The following DPP10 variants were observed in gnomAD, a reference collection of about 807,000 sequenced individuals.
DPP10 encodes inactive dipeptidyl peptidase 10.
Under a neutral mutation model 120.9 loss-of-function variants are expected in DPP10, and 33 were observed. The observed-to-expected ratio is 0.27, with a 90% CI of 0.21 to 0.37. The LOEUF (loss-of-function observed/expected upper bound fraction) is 0.37, where lower values mean the gene tolerates loss of function less well. DPP10 is among the 10% of genes least tolerant of loss of function. The pLI, the probability that DPP10 is intolerant of heterozygous loss-of-function variation, is 1.00. For missense variants in DPP10, 816 were observed against 942.8 expected, an observed-to-expected ratio of 0.87 and a Z score of 1.76; for synonymous variants, 337 against 326.1, an observed-to-expected ratio of 1.03 and a Z score of -0.36.
intron 21 of DPP10, among the ~76,000 whole-genome samples, chr2:115,832,200 T>C (rs1345220420): frequency 6.6e-6 from 1 of 152,212 alleles, no homozygotes; most frequent in Non-Finnish European, 1.5e-5. Flanking sequence ...AAATTTAACT[T>C]ATTTTCATCT....
intron 21 of DPP10, among the ~76,000 whole-genome samples, chr2:115,825,044 T>C (rs890581359): frequency 6.6e-6 from 1 of 152,232 alleles, no homozygotes; most frequent in African/African-American, 2.4e-5. Context: ...TATTTCAATA[T>C]TTCACAAGTA....
intron 8 of DPP10, 59 bp from the exon 9 acceptor site, chr2:115,739,680 T>C: frequency 6.5e-7 from 1 of 1,549,282 alleles, no homozygotes; most frequent in Non-Finnish European, 8.9e-7. Context: ...GACAGATGTT[T>C]GTGGGTCACT....
chr2:114,760,126 A>G (rs572312722), intron 1 of DPP10, among the ~76,000 whole-genome samples: 2 of 152,132 alleles, frequency 1.3e-5, no homozygotes, highest in East Asian at 1.9e-4. Flanking sequence ...AGGCGATGCC[A>G]TTGCTGGCCC....
At chr2:114,921,909 G>A (rs1695223500) in intron 1 of DPP10, among the ~76,000 whole-genome samples, 1 of 152,134 alleles carries the variant, frequency 6.6e-6, no homozygotes, top group Non-Finnish European at 1.5e-5. Context: ...CTTTTCCCTT[G>A]TTTAAACTTT....
chr2:115,563,433 C>G (rs573343773), intron 5 of DPP10, among the ~76,000 whole-genome samples: 9 of 151,982 alleles, frequency 5.9e-5, no homozygotes, highest in South Asian at 4.2e-4. Context: ...CCCCTGCACT[C>G]GAGAGAGCTG....
chr2:114,468,856 C>T (rs1679655610), intron 1 of DPP10, among the ~76,000 whole-genome samples: 1 of 152,052 alleles, frequency 6.6e-6, no homozygotes, highest in South Asian at 2.1e-4. Context: ...TGAAATATCG[C>T]ATTTCATTTC....
At chr2:115,337,881 A>G (rs1189350134) in intron 2 of DPP10, among the ~76,000 whole-genome samples, 1 of 152,010 alleles carries the variant, frequency 6.6e-6, no homozygotes, top group Non-Finnish European at 1.5e-5. Flanking sequence ...TGAATGAAGT[A>G]TATAGTTTTC....
chr2:114,825,663 C>A (rs192169050), intron 1 of DPP10, among the ~76,000 whole-genome samples: 1 of 152,170 alleles, frequency 6.6e-6, no homozygotes, highest in South Asian at 2.1e-4. Context: ...TGTTCCCCCC[C>A]AACTCCAAAC....
At chr2:114,568,207 G>A (rs1182502362) in intron 1 of DPP10, among the ~76,000 whole-genome samples, 2 of 151,916 alleles carry the variant, frequency 1.3e-5, no homozygotes, top group Non-Finnish European at 2.9e-5. Flanking sequence ...ATTTATGGGG[G>A]CACATGTGAG....
chr2:115,724,804 TG>T (rs1393466127), intron 7 of DPP10, among the ~76,000 whole-genome samples: 1 of 152,200 alleles, frequency 6.6e-6, no homozygotes, highest in Non-Finnish European at 1.5e-5. Context: ...GCTCGGCTTC[TG>T]GGAAGGCCTC....
chr2:114,843,860 C>G (rs1232515037), intron 1 of DPP10, among the ~76,000 whole-genome samples: 1 of 152,096 alleles, frequency 6.6e-6, no homozygotes, highest in African/African-American at 2.4e-5. Context: ...TCTGGCTTCC[C>G]AAGACATGTT....
chr2:115,751,803 G>GTTTTT (rs5833628), intron 10 of DPP10, among the ~76,000 whole-genome samples: 1 of 103,414 alleles, frequency 9.7e-6, no homozygotes. Context: ...TTTTTTTGTT[G>GTTTTT]TTTTTTTTTT....
chr2:114,821,752 A>C (rs1302331890), intron 1 of DPP10, among the ~76,000 whole-genome samples: 1 of 152,196 alleles, frequency 6.6e-6, no homozygotes, highest in Non-Finnish European at 1.5e-5. Flanking sequence ...GCTCCATGCA[A>C]GTCCAAAATC....
At chr2:114,920,631 A>T (rs184959574) in intron 1 of DPP10, among the ~76,000 whole-genome samples, 27 of 151,930 alleles carry the variant, frequency 1.8e-4, no homozygotes, top group African/African-American at 5.8e-4. Context: ...ACACATTGTA[A>T]TTTTTTTTTC....
chr2:114,896,049 T>C (rs868714675), intron 1 of DPP10, among the ~76,000 whole-genome samples: 7 of 152,312 alleles, frequency 4.6e-5, no homozygotes, highest in East Asian at 1.9e-4. Context: ...GTTGTAGATA[T>C]GCAGCATTAT....
intron 8 of DPP10, among the ~76,000 whole-genome samples, chr2:115,735,591 G>C (rs2093017776): frequency 6.6e-6 from 1 of 150,624 alleles, no homozygotes; most frequent in Non-Finnish European, 1.5e-5. Context: ...CACGATCCCG[G>C]CTCACTGCAA....
At chr2:114,834,157 A>G (rs950091207) in intron 1 of DPP10, 2 of 139,334 alleles carry the variant, frequency 1.4e-5, no homozygotes. Flanking sequence ...CTACGCACCT[A>G]TGTATATATA....
In DPP10 at chr2:115,456,125, C is replaced by T. The variant is rs560213736; in HGVS notation, c.272-43385C>T. The stretch of plus-strand genomic sequence containing the variant: ...AGAACTTAAATTTACAAGAAAAAAA[C>T]AACCCCATCAAAAAGTGGGTGAAGA... On this transcript the variant is annotated intron_variant, in intron 3 of 25. Coordinates refer to ENST00000410059, the MANE Select transcript of DPP10 (RefSeq NM_020868.6). Among the ~76,000 whole-genome samples the T allele has an allele frequency of 2.1e-4, 32 of 152,122 alleles. 1 individual carries two copies. In the South Asian group the frequency reaches 6.4e-3, roughly 31 times the overall value.
chr2:115,759,224 G>T (rs1047222965), intron 11 of DPP10, among the ~76,000 whole-genome samples: 2 of 151,876 alleles, frequency 1.3e-5, no homozygotes, highest in African/African-American at 4.8e-5. Context: ...CAAAACATGT[G>T]AACAGTTACT....
Sources: gnomAD v4.1 joint callset for allele counts (sites outside exome capture counted in the v4.1 genomes callset) on GRCh38, gnomAD v4.1.1 for gene constraint, MANE v1.5 for transcripts, NCBI Gene and HGNC (gene_info 2026-07-23, HGNC 2026-07-21) for gene names.